PARD3B: variants seen among roughly 807,000 people sequenced by gnomAD.
The protein encoded by PARD3B is par-3 family cell polarity regulator beta, also known as partitioning defective 3 homolog B.
Under a neutral mutation model 130.2 loss-of-function variants are expected in PARD3B, and 103 were observed. That is an observed-to-expected ratio of 0.79 (90% CI 0.67 to 0.93). The LOEUF (loss-of-function observed/expected upper bound fraction) is 0.93, where lower values mean the gene tolerates loss of function less well. Among genes scored for constraint, PARD3B ranks in the 40% least tolerant of loss-of-function variants. The pLI is 0.00. For synonymous variants in PARD3B, 583 were observed against 553.2 expected, an observed-to-expected ratio of 1.05 and a Z score of -0.76; for missense variants, 1,609 against 1,499.2, an observed-to-expected ratio of 1.07 and a Z score of -1.21.
intron 3 of PARD3B, among the ~76,000 whole-genome samples, chr2:204,998,350 ATATATATATGTGTGTGTGTGTG>A (rs1559341343): frequency 3.9e-5 from 3 of 77,856 alleles, no homozygotes; most frequent in African/African-American, 1.9e-4. Flanking sequence ...ATATATATAT[ATATATATATGTGTGTGTGTGTG>A]TGTATATATG....
intron 1 of PARD3B, among the ~76,000 whole-genome samples, chr2:204,601,191 A>G (rs1317503704): frequency 6.6e-6 from 1 of 152,002 alleles, no homozygotes; most frequent in African/African-American, 2.4e-5. Context: ...TGTAATAGCA[A>G]TGAACACTCT....
At chr2:205,046,091 T>C (rs1213531362) in intron 3 of PARD3B, among the ~76,000 whole-genome samples, 1 of 152,198 alleles carries the variant, frequency 6.6e-6, no homozygotes. Context: ...ATATTGCATT[T>C]AGACTGACTT....
chr2:204,746,715 A>C (rs1404021874), intron 2 of PARD3B, among the ~76,000 whole-genome samples: 1 of 151,984 alleles, frequency 6.6e-6, no homozygotes, highest in African/African-American at 2.4e-5. Context: ...TTTGATTTGC[A>C]TTTCTCTGAT....
chr2:204,738,268 T>C (rs1433032314), intron 2 of PARD3B, among the ~76,000 whole-genome samples: 2 of 152,198 alleles, frequency 1.3e-5, no homozygotes, highest in Admixed American at 1.3e-4. Context: ...GTAGTTCTCC[T>C]TGTGGAGATC....
intron 10 of PARD3B, among the ~76,000 whole-genome samples, chr2:205,130,895 C>G (rs575085188): frequency 6.6e-6 from 1 of 152,184 alleles, no homozygotes; most frequent in East Asian, 1.9e-4. Flanking sequence ...GATGCACATG[C>G]ATGTGGAACC....
intron 21 of PARD3B, among the ~76,000 whole-genome samples, chr2:205,527,074 G>C (rs997807000): frequency 6.6e-6 from 1 of 152,190 alleles, no homozygotes; most frequent in African/African-American, 2.4e-5. Flanking sequence ...AGCATCATCA[G>C]ACACAGCAAG....
intron 11 of PARD3B, among the ~76,000 whole-genome samples, chr2:205,168,085 C>G (rs2034919228): frequency 6.6e-6 from 1 of 152,176 alleles, no homozygotes; most frequent in Non-Finnish European, 1.5e-5. Context: ...CTAAAGTGCA[C>G]TGAAGAAGTT....
intron 2 of PARD3B, among the ~76,000 whole-genome samples, chr2:204,830,435 C>A (rs960403640): frequency 3.9e-5 from 6 of 152,072 alleles, no homozygotes; most frequent in Admixed American, 2.6e-4. Context: ...TATTAAGATA[C>A]CTTCAGGAAT....
rs1368272507 is a variant in PARD3B, at chr2:205,015,351, C to T, written c.395-32230C>T. Among the ~76,000 whole-genome samples the T allele has an allele frequency of 6.6e-6, 1 of 152,138 alleles. No individual in the cohort carries two copies. The highest frequency in any genetic ancestry group is 2.4e-5 in the African/African-American group (1 of 41,428). On this transcript the variant is annotated intron_variant, in intron 3 of 22. Coordinates refer to ENST00000406610, the MANE Select transcript of PARD3B (RefSeq NM_001302769.2). The surrounding 1 kb of genome is among the most constrained non-coding windows in gnomAD (Gnocchi z 4.5). ...GAAGAGAAGGGGTTGGTCTTGCTCT[C>T]TCAGGGGTGGCAGAGGTGAAAGAAA...
chr2:205,534,876 C>T (rs2051772039), intron 21 of PARD3B, among the ~76,000 whole-genome samples: 1 of 152,138 alleles, frequency 6.6e-6, no homozygotes, highest in Non-Finnish European at 1.5e-5. Flanking sequence ...ATTGGTCTAG[C>T]TTGCTATGTT....
intron 2 of PARD3B, among the ~76,000 whole-genome samples, chr2:204,743,294 T>G (rs960503633): frequency 1.3e-5 from 2 of 152,186 alleles, no homozygotes; most frequent in Non-Finnish European, 2.9e-5. Flanking sequence ...TATATTTTTG[T>G]AGTTAAATAT....
In PARD3B at chr2:205,538,647, ACT is replaced by A. The variant is rs1338167537; in HGVS notation, c.3181-14672_3181-14671del. Among the ~76,000 whole-genome samples, 10 of 151,872 alleles carry A rather than the reference ACT, an allele frequency of 6.6e-5. 1 individual carries two copies. The highest frequency in any genetic ancestry group is 5.2e-4 in the Admixed American group (8 of 15,250). ...ATCTGTCTCTCCTTTCTCTCTCGTC[ACT>A]CTCTTTCCCAATACCGTTTTCGGAA... On this transcript the variant is annotated intron_variant, in intron 21 of 22. Transcript: ENST00000406610.
intron 19 of PARD3B, among the ~76,000 whole-genome samples, chr2:205,406,257 T>C (rs1222710437): frequency 1.3e-5 from 2 of 152,242 alleles, no homozygotes; most frequent in Non-Finnish European, 2.9e-5. Flanking sequence ...ATTTACTTTT[T>C]TGAAAACAAA....
chr2:205,222,179 TA>T (rs11352078), intron 15 of PARD3B, among the ~76,000 whole-genome samples: 105,336 of 147,432 alleles, frequency 0.71, 37,558 homozygotes, highest in African/African-American at 0.81. Flanking sequence ...CCTTCCAATA[TA>T]AAAAAAAAAA....
rs914215277 is a variant in PARD3B at position 205,021,118 on chromosome 2, A to G, written c.395-26463A>G. On this transcript the variant is annotated intron_variant, in intron 3 of 22. Coordinates refer to ENST00000406610, the MANE Select transcript of PARD3B (RefSeq NM_001302769.2). The surrounding 1 kb of genome is among the most constrained non-coding windows in gnomAD (Gnocchi z 4.5). Reference sequence around the variant, plus strand: ...AGTTCCTATGTACTACCTCCAAACCAGAAATTTCTAATACAGCAAATAAAG... The same window carrying G: ...AGTTCCTATGTACTACCTCCAAACCGGAAATTTCTAATACAGCAAATAAAG... Among the ~76,000 whole-genome samples the G allele has an allele frequency of 2.0e-5, 3 of 152,178 alleles. No individual in the cohort carries two copies. Among genetic ancestry groups the G allele is most frequent in the African/African-American group, 7.2e-5 (3 of 41,454 alleles).
At chr2:204,603,611 C>T (rs2125107848) in intron 1 of PARD3B, among the ~76,000 whole-genome samples, 1 of 151,966 alleles carries the variant, frequency 6.6e-6, no homozygotes, top group Admixed American at 6.6e-5. Context: ...TCATTTGTTA[C>T]AAAAACATAA....
At chr2:204,588,066 A>T (rs190015611) in intron 1 of PARD3B, among the ~76,000 whole-genome samples, 1 of 152,194 alleles carries the variant, frequency 6.6e-6, no homozygotes, top group East Asian at 1.9e-4. Flanking sequence ...TAATACCGTG[A>T]GGGAGGGCGT....
Position 204,713,509 on chromosome 2 carries a change from T to C in PARD3B, c.222+27227T>C, listed in dbSNP as rs1266389281. Among the ~76,000 whole-genome samples the C allele has an allele frequency of 4.6e-5, 7 of 151,938 alleles. No homozygotes were observed. The East Asian group carries it at 1.4e-3, about 30-fold the overall frequency. ...TCGCCACCATTTATCTCCAGAACTTTTTTCATTTTCTCCAACTCAAGCTCT... is the reference window on the plus strand; with the variant it reads ...TCGCCACCATTTATCTCCAGAACTTCTTTCATTTTCTCCAACTCAAGCTCT... On this transcript the variant is annotated intron_variant, in intron 2 of 22. Coordinates refer to ENST00000406610, the MANE Select transcript of PARD3B (RefSeq NM_001302769.2).
intron 2 of PARD3B, among the ~76,000 whole-genome samples, chr2:204,704,479 C>T (rs188656606): frequency 9.5e-4 from 144 of 152,172 alleles, no homozygotes; most frequent in Non-Finnish European, 1.7e-3. Context: ...TATAAACAAT[C>T]TTCATAAAGA....
Sources: gnomAD v4.1 joint callset for allele counts (sites outside exome capture counted in the v4.1 genomes callset) on GRCh38, gnomAD v4.1.1 for gene constraint, Gnocchi (gnomAD v3.1) non-coding constraint, MANE v1.5 for transcripts, NCBI Gene and HGNC (gene_info 2026-07-23, HGNC 2026-07-21) for gene names.